Variants in AGMO observed in about 807,000 individuals in gnomAD.
The protein encoded by AGMO is alkylglycerol monooxygenase, also known as glyceryl-ether monooxygenase.
AGMO carries 75 observed loss-of-function variants against 60.2 expected under a neutral mutation model. That is an observed-to-expected ratio of 1.25 (90% CI 1.03 to 1.51). AGMO has a LOEUF of 1.51. Among genes scored for constraint, AGMO ranks in the 40% most tolerant of loss-of-function variants. The pLI is 0.00. For missense variants in AGMO, 763 were observed against 525.5 expected (o/e 1.45, Z -4.42); for synonymous variants, 261 against 177.1 (o/e 1.47, Z -3.76).
In AGMO at chr7:15,201,268, T is replaced by C; in HGVS notation, c.*17A>G. On this transcript the variant is annotated 3_prime_UTR_variant, in exon 13 of 13. Coordinates refer to ENST00000342526, the MANE Select transcript of AGMO (RefSeq NM_001004320.2). The stretch of plus-strand genomic sequence containing the variant: ...TGGACAACTCATTAAAAGAAGAGAA[T>C]TATGTACAAATTCAGGTTATTTCCA... 1 of 1,582,972 alleles carries C rather than the reference T, an allele frequency of 6.3e-7. No individual in the cohort carries two copies. The highest frequency in any genetic ancestry group is 8.6e-7 in the Non-Finnish European group (1 of 1,157,214).
At chr7:15,390,520 T>C in intron 8 of AGMO, 151 bp downstream of exon 8, 2 of 507,370 alleles carry the variant, frequency 3.9e-6, no homozygotes. Context: ...TTTGCTTGTG[T>C]AACAAAGAGT....
At chr7:15,217,166 T>C (rs1256312661) in intron 12 of AGMO, among the ~76,000 whole-genome samples, 3 of 152,028 alleles carry the variant, frequency 2.0e-5, no homozygotes, top group Admixed American at 2.0e-4. Context: ...CTGTGGTAGA[T>C]GGAAATGATA....
chr7:15,253,281 G>C (rs781435401), intron 12 of AGMO, among the ~76,000 whole-genome samples: 3 of 152,110 alleles, frequency 2.0e-5, no homozygotes, highest in Non-Finnish European at 4.4e-5. Context: ...TTAAGAGGTA[G>C]CTATTTATGG....
At chr7:15,336,520 T>C (rs1363967356) in intron 12 of AGMO, among the ~76,000 whole-genome samples, 1 of 152,210 alleles carries the variant, frequency 6.6e-6, no homozygotes, top group Non-Finnish European at 1.5e-5. Context: ...GTAGAAGGAC[T>C]GCTGTTGAAT....
intron 12 of AGMO, among the ~76,000 whole-genome samples, chr7:15,254,198 A>G (rs901998323): frequency 6.6e-6 from 1 of 152,122 alleles, no homozygotes; most frequent in African/African-American, 2.4e-5. Context: ...AATTTTCGTG[A>G]GAGTGCAGAT....
At chr7:15,492,185 A>C (rs1783084165) in intron 3 of AGMO, among the ~76,000 whole-genome samples, 1 of 152,148 alleles carries the variant, frequency 6.6e-6, no homozygotes, top group South Asian at 2.1e-4. Flanking sequence ...CTGGTTTGGC[A>C]TAACACAGCT....
chr7:15,228,857 A>T (rs944917760), intron 12 of AGMO, among the ~76,000 whole-genome samples: 1 of 152,136 alleles, frequency 6.6e-6, no homozygotes, highest in African/African-American at 2.4e-5. Flanking sequence ...TTAAGGGACA[A>T]GAATAAGTAA....
At chr7:15,134,926 G>T in the AGMO span, among the ~76,000 whole-genome samples, 1 of 151,978 alleles carries the variant, frequency 6.6e-6, no homozygotes, top group African/African-American at 2.4e-5. Context: ...ACACACGAAT[G>T]ACGTTCACAT....
chr7:15,297,365 T>C (rs1784434562), intron 12 of AGMO, among the ~76,000 whole-genome samples: 1 of 152,204 alleles, frequency 6.6e-6, no homozygotes, highest in African/African-American at 2.4e-5. Flanking sequence ...TTGTAGTTAT[T>C]GGCATTATGG....
chr7:15,529,534 T>TATATATATTCTATATATATATAGA (rs1562554591), intron 3 of AGMO, among the ~76,000 whole-genome samples: 2 of 127,630 alleles, frequency 1.6e-5, no homozygotes, highest in African/African-American at 5.9e-5. Context: ...GACTAGAATA[T>TATATATATTCTATATATATATAGA]ATATATATTC....
chr7:15,382,989 A>T (rs909526470), intron 10 of AGMO, among the ~76,000 whole-genome samples: 11 of 151,154 alleles, frequency 7.3e-5, no homozygotes, highest in African/African-American at 2.7e-4. Flanking sequence ...TCTATAATCT[A>T]TCACCTCAAT....
chr7:15,411,388 C>T (rs973099354), intron 5 of AGMO, among the ~76,000 whole-genome samples: 6 of 151,908 alleles, frequency 3.9e-5, no homozygotes, highest in African/African-American at 9.7e-5. Flanking sequence ...TAAAGAACTC[C>T]GTGCAAGTTC....
intron 8 of AGMO, among the ~76,000 whole-genome samples, chr7:15,388,892 T>G (rs1784029786): frequency 6.6e-6 from 1 of 152,178 alleles, no homozygotes; most frequent in Non-Finnish European, 1.5e-5. Context: ...GACCCACTTG[T>G]GGCAATTACT....
intron 3 of AGMO, among the ~76,000 whole-genome samples, chr7:15,530,709 A>T (rs1368058956): frequency 7.0e-6 from 1 of 142,406 alleles, no homozygotes; most frequent in Non-Finnish European, 1.5e-5. Flanking sequence ...TATATTCTAT[A>T]TATACATTTC....
chr7:15,376,186 C>T (rs966153056), intron 10 of AGMO, among the ~76,000 whole-genome samples: 7 of 151,564 alleles, frequency 4.6e-5, no homozygotes, highest in Admixed American at 2.6e-4. Flanking sequence ...GCCCACATTC[C>T]TTTTTTTTCC....
In AGMO at chr7:15,444,419, T is replaced by C. The variant is rs147513572; in HGVS notation, c.410-13311A>G. On this transcript the variant is annotated intron_variant, in intron 3 of 12. Coordinates refer to ENST00000342526, the MANE Select transcript of AGMO (RefSeq NM_001004320.2). ...GAAAAGAATGAACTATTTACTCCCT[T>C]ACCTCCCATTCTTTCTTAAGCTCAT... Among the ~76,000 whole-genome samples, 113 of 152,336 alleles carry C rather than the reference T, an allele frequency of 7.4e-4. 1 individual carries two copies. The highest frequency in any genetic ancestry group is 2.3e-3 in the African/African-American group (94 of 41,586).
At chr7:15,194,367 A>C in the AGMO span, among the ~76,000 whole-genome samples, 1 of 146,286 alleles carries the variant, frequency 6.8e-6, no homozygotes, top group Admixed American at 6.9e-5. Context: ...TGGTTAAATA[A>C]GTAAAATTAA....
rs566824149 is a variant in AGMO at position 15,381,022 on chromosome 7, A to G, written c.1074+4424T>C. Among the ~76,000 whole-genome samples, 4 of 152,328 alleles carry G rather than the reference A, an allele frequency of 2.6e-5. No homozygotes were observed. The South Asian group carries it at 8.3e-4, about 32-fold the overall frequency. ...TGGACCCCTCCCTTACTGCATATAC[A>G]AAAACTCAGCATAGATTAAAGACTT... On this transcript the variant is annotated intron_variant, in intron 10 of 12. Transcript: ENST00000342526.
chr7:15,158,274 T>C, the AGMO span, among the ~76,000 whole-genome samples: 532 of 152,254 alleles, frequency 3.5e-3, 3 homozygotes, highest in African/African-American at 0.012. Context: ...CCCTTGGCAA[T>C]TGTTCTCATT....
Sources: gnomAD v4.1 joint callset for allele counts (sites outside exome capture counted in the v4.1 genomes callset) on GRCh38, gnomAD v4.1.1 for gene constraint, MANE v1.5 for transcripts, NCBI Gene and HGNC (gene_info 2026-07-23, HGNC 2026-07-21) for gene names.